MVB12B: variants seen among roughly 807,000 people sequenced by gnomAD.
MVB12B encodes the protein multivesicular body subunit 12B.
Under a neutral mutation model 41.6 loss-of-function variants are expected in MVB12B, and 16 were observed. The observed-to-expected ratio is 0.38, with a 90% CI of 0.26 to 0.58. MVB12B has a LOEUF of 0.58. Ranked by LOEUF, MVB12B falls within the 20% of genes least tolerant of loss-of-function variation. MVB12B has a pLI of 0.62. For missense variants in MVB12B, 274 were observed against 380.2 expected, an observed-to-expected ratio of 0.72 and a Z score of 2.32; for synonymous variants, 133 against 139.7, an observed-to-expected ratio of 0.95 and a Z score of 0.34.
intron 2 of MVB12B, among the ~76,000 whole-genome samples, chr9:126,360,931 T>C (rs1830013542): frequency 1.3e-5 from 2 of 152,234 alleles, no homozygotes; most frequent in Non-Finnish European, 2.9e-5. Flanking sequence ...CATGAAATAT[T>C]CTTTTCCATC....
rs76607982 is a variant in MVB12B at position 126,448,861 on chromosome 9, C to T, written c.757+26913C>T. ...TCCAACATTGGGAATCACATGTCAA[C>T]GTGAAATTTGGAGGGGACAAACTGC... On this transcript the variant is annotated intron_variant, in intron 7 of 9. Transcript: ENST00000361171. Among the ~76,000 whole-genome samples, 551 of 152,276 alleles carry T rather than the reference C, an allele frequency of 3.6e-3. 8 individuals are homozygous for T. The East Asian group carries it at 0.044, about 12-fold the overall frequency.
chr9:126,414,173 A>T (rs1831738598), intron 6 of MVB12B, among the ~76,000 whole-genome samples: 1 of 152,226 alleles, frequency 6.6e-6, no homozygotes. Flanking sequence ...CTATAACTGA[A>T]GGGCTTTTAT....
intron 7 of MVB12B, among the ~76,000 whole-genome samples, chr9:126,461,791 G>C (rs1393768596): frequency 6.6e-6 from 1 of 152,154 alleles, no homozygotes; most frequent in African/African-American, 2.4e-5. Flanking sequence ...TGGGCTGGTG[G>C]GTGTCCAAGG....
At chr9:126,399,941 C>A (rs554800571) in intron 6 of MVB12B, among the ~76,000 whole-genome samples, 1 of 152,284 alleles carries the variant, frequency 6.6e-6, no homozygotes, top group African/African-American at 2.4e-5. Context: ...GAGAGGGCCC[C>A]CGAGGTTCAA....
At chr9:126,416,682 C>G (rs1363281243) in intron 6 of MVB12B, among the ~76,000 whole-genome samples, 2 of 152,180 alleles carry the variant, frequency 1.3e-5, no homozygotes, top group Non-Finnish European at 2.9e-5. Flanking sequence ...TCATTAATAC[C>G]TAGCTTTCCC....
chr9:126,489,110 C>T (rs563345442), intron 9 of MVB12B, among the ~76,000 whole-genome samples: 213 of 152,308 alleles, frequency 1.4e-3, no homozygotes, highest in African/African-American at 5.0e-3. Flanking sequence ...AGGGAGCATG[C>T]GCTCCTGGGC....
chr9:126,329,357 A>T (rs969763370), intron 1 of MVB12B, among the ~76,000 whole-genome samples: 1 of 152,214 alleles, frequency 6.6e-6, no homozygotes, highest in African/African-American at 2.4e-5. Context: ...GTCCTCATGA[A>T]ATTTAAGTGT....
chr9:126,506,561 GAGCCTGCAGGCATCTGTGGGGAATCCC>G lies in MVB12B; in HGVS notation c.*3309_*3335del, dbSNP rs1443262874. The G allele has an allele frequency of 1.3e-5, 2 of 152,428 alleles. No individual in the cohort carries two copies. The highest frequency in any genetic ancestry group is 2.1e-4 in the South Asian group (1 of 4,834). The allele number at this position is 152,428 out of a possible 1,614,324, so 9.4% of individuals were successfully genotyped here. A position where few individuals can be genotyped will look rare whatever the true frequency, so the allele number is the denominator to read the frequency against. On this transcript the variant is annotated 3_prime_UTR_variant, in exon 10 of 10. Coordinates refer to ENST00000361171, the MANE Select transcript of MVB12B (RefSeq NM_033446.3). Reference sequence around the variant, plus strand: ...CCTCCACCCAGATGAGGGCCCTCCAGAGCCTGCAGGCATCTGTGGGGAATCCCAGCCTGCAGGTTCTTGGAGAAGCAG... The same window carrying G: ...CCTCCACCCAGATGAGGGCCCTCCAGAGCCTGCAGGTTCTTGGAGAAGCAG...
At chr9:126,490,517 C>T (rs1480618515) in intron 9 of MVB12B, among the ~76,000 whole-genome samples, 2 of 152,232 alleles carry the variant, frequency 1.3e-5, no homozygotes, top group Admixed American at 1.3e-4. Context: ...ACAGTGCTCC[C>T]CGTTCCCTTC....
At chr9:126,482,509 G>T (rs965650825) in intron 8 of MVB12B, among the ~76,000 whole-genome samples, 2 of 152,242 alleles carry the variant, frequency 1.3e-5, no homozygotes, top group Non-Finnish European at 2.9e-5. Context: ...CCACGGGGCC[G>T]CGTTGCCATG....
At chr9:126,413,849 T>TGTGTGTGTGTGTGTGCGC (rs1554776184) in intron 6 of MVB12B, among the ~76,000 whole-genome samples, 3 of 148,628 alleles carry the variant, frequency 2.0e-5, no homozygotes, top group East Asian at 3.9e-4. Context: ...TGTGTGTGTG[T>TGTGTGTGTGTGTGTGCGC]GTGTATAAGG....
chr9:126,382,833 C>CA (rs1181128573), intron 3 of MVB12B, among the ~76,000 whole-genome samples: 1 of 152,114 alleles, frequency 6.6e-6, no homozygotes, highest in African/African-American at 2.4e-5. Context: ...AAAGAGAAGT[C>CA]ACTGGGGCTT....
chr9:126,469,321 C>T (rs1332772447), intron 7 of MVB12B, among the ~76,000 whole-genome samples: 1 of 152,196 alleles, frequency 6.6e-6, no homozygotes, highest in Admixed American at 6.5e-5. Context: ...GGATCAGCGG[C>T]TCCGGATTCA....
intron 7 of MVB12B, among the ~76,000 whole-genome samples, chr9:126,476,666 G>T (rs2119198559): frequency 6.6e-6 from 1 of 152,150 alleles, no homozygotes; most frequent in Non-Finnish European, 1.5e-5. Flanking sequence ...CACAAGGTCA[G>T]GAGATCGAGA....
At chr9:126,425,338 G>T (rs1486276900) in intron 7 of MVB12B, among the ~76,000 whole-genome samples, 1 of 152,124 alleles carries the variant, frequency 6.6e-6, no homozygotes, top group East Asian at 1.9e-4. Context: ...GTCTGGAAAG[G>T]TCCACACCTA....
At chr9:126,405,137 T>C (rs1329667317) in intron 6 of MVB12B, among the ~76,000 whole-genome samples, 1 of 152,222 alleles carries the variant, frequency 6.6e-6, no homozygotes, top group Non-Finnish European at 1.5e-5. Context: ...CAGTCTCATG[T>C]CAGATTTTTG....
rs535784129 is a variant in MVB12B at position 126,327,305 on chromosome 9, C to A, written c.81+295C>A. 1.3e-4 allele frequency: 127 copies of A among 985,258 alleles called. 2 individuals are homozygous for A. The East Asian group carries it at 0.011, about 86-fold the overall frequency. The allele number at this position is 985,258 out of a possible 1,614,324, so 61.0% of individuals were successfully genotyped here. A position where few individuals can be genotyped will look rare whatever the true frequency, so the allele number is the denominator to read the frequency against. ...CCCCAAGGCCCGGGCAGGTGAGGGG[C>A]GCCGAGAGCCACCTCTGCCCGCGTG... On this transcript the variant is annotated intron_variant, in intron 1 of 9. Coordinates refer to ENST00000361171, the MANE Select transcript of MVB12B (RefSeq NM_033446.3).
chr9:126,400,853 G>C (rs1262248396), intron 6 of MVB12B, among the ~76,000 whole-genome samples: 27 of 152,218 alleles, frequency 1.8e-4, no homozygotes, highest in Non-Finnish European at 1.5e-5. Flanking sequence ...CTCCGTCCAG[G>C]GTAGGCAGGC....
intron 7 of MVB12B, among the ~76,000 whole-genome samples, chr9:126,425,882 A>G (rs961214786): frequency 1.3e-5 from 2 of 152,214 alleles, no homozygotes; most frequent in African/African-American, 2.4e-5. Context: ...TCTGTTACCC[A>G]TCTGGGTTAG....
Sources: allele counts gnomAD v4.1 joint callset (sites outside exome capture counted in the v4.1 genomes callset), GRCh38; gene constraint gnomAD v4.1.1; transcripts MANE v1.5; gene names NCBI Gene and HGNC (gene_info 2026-07-23, HGNC 2026-07-21).